The following GPC1 variants were observed in gnomAD, a reference collection of about 807,000 sequenced individuals.
The protein encoded by GPC1 is glypican 1.
Under a neutral mutation model 51.5 loss-of-function variants are expected in GPC1, and 26 were observed. The ratio of observed to expected loss-of-function variants is 0.50; its 90% CI spans 0.37 to 0.70. GPC1 has a LOEUF of 0.70. Among genes scored for constraint, GPC1 ranks in the 30% least tolerant of loss-of-function variants. The probability of loss-of-function intolerance (pLI) is 0.00; values close to 1 mark genes in which losing one functional copy is unlikely to be tolerated. For missense variants in GPC1, 775 were observed against 800.5 expected, an observed-to-expected ratio of 0.97 and a Z score of 0.38; for synonymous variants, 380 against 348.3, an observed-to-expected ratio of 1.09 and a Z score of -1.01.
At chr2:240,444,272 G>C (rs1417437017) in intron 1 of GPC1, among the ~76,000 whole-genome samples, 1 of 152,224 alleles carries the variant, frequency 6.6e-6, no homozygotes, top group African/African-American at 2.4e-5. Context: ...TGAGGGACAA[G>C]GGTGAGCTGG....
chr2:240,466,133 G>C lies in GPC1; in HGVS notation c.1520G>C (p.Ser507Thr), dbSNP rs2074259841. The C allele has an allele frequency of 6.2e-7, 1 of 1,612,940 alleles. No homozygotes were observed. Among genetic ancestry groups the C allele is most frequent in the Non-Finnish European group, 8.5e-7 (1 of 1,179,800 alleles). ...TGCAGCCGGAAGGTCAGCAGGAAGA[G>C]CTCCAGCTCCCGGACGCCCTTGACC... ...DLCSRKVSRK[S>T]SSSRTPLTHA... Residue 507 changes from serine (S) to threonine (T), a missense_variant, in exon 9 of 9, where the codon AGC becomes ACC. Transcript: ENST00000264039.
At chr2:240,440,273 G>A (rs571576333) in intron 1 of GPC1, among the ~76,000 whole-genome samples, 1 of 152,338 alleles carries the variant, frequency 6.6e-6, no homozygotes, top group South Asian at 2.1e-4. Flanking sequence ...CTTGTGGAGC[G>A]TTTCCCATGA....
chr2:240,453,979 C>A (rs2074131587), intron 1 of GPC1, among the ~76,000 whole-genome samples: 1 of 152,018 alleles, frequency 6.6e-6, no homozygotes, highest in Non-Finnish European at 1.5e-5. Context: ...CGACGCCCCT[C>A]GGTTTCGGGT....
At chr2:240,465,779 C>A in intron 8 of GPC1, 131 bp downstream of exon 8, 1 of 774,120 alleles carries the variant, frequency 1.3e-6, no homozygotes, top group Non-Finnish European at 2.1e-6. Context: ...AGTCTGAGGA[C>A]GCTGTGCTGC....
chr2:240,450,852 C>G (rs2074092730), intron 1 of GPC1: 1 of 453,780 alleles, frequency 2.2e-6, no homozygotes, highest in Admixed American at 2.5e-5. Context: ...AGTGGAGGCT[C>G]CCCTGGCAGA....
chr2:240,458,416 G>GT (rs987030450), intron 1 of GPC1: 50 of 223,902 alleles, frequency 2.2e-4, no homozygotes, highest in African/African-American at 8.9e-4. Context: ...GAGGCACAGG[G>GT]TGCACCCTGC....
chr2:240,461,996 C>T (rs2074219830), intron 2 of GPC1, among the ~76,000 whole-genome samples, 195 bp from the exon 3 acceptor site: 1 of 152,054 alleles, frequency 6.6e-6, no homozygotes, highest in Non-Finnish European at 1.5e-5. Context: ...CCCCTGCTCC[C>T]CAGGCCAGGG....
Position 240,453,960 on chromosome 2 carries a change from G to A in GPC1, c.167-5070G>A, listed in dbSNP as rs561258569. 1.1e-3 allele frequency among the ~76,000 whole-genome samples: 166 copies of A among 152,290 alleles called. 1 individual carries two copies. Among genetic ancestry groups the A allele is most frequent in the African/African-American group, 3.8e-3 (160 of 41,576 alleles). ...GCGGACCCTCCCACCCGGGGCAGAG[G>A]TGTCCCTACGACGCCCCTCGGTTTC... On this transcript the variant is annotated intron_variant, in intron 1 of 8. Coordinates refer to ENST00000264039, the MANE Select transcript of GPC1 (RefSeq NM_002081.3).
At position 240,443,917 on chromosome 2, in the gene GPC1, G is replaced by A. The variant is rs2074033376; in HGVS notation, c.166+7833G>A. ...TCAGAGCTGAGAGGCCTCGCCGCCTGGGGCCAAGCCCCACACTTGCTTGCC... is the reference window on the plus strand; with the variant it reads ...TCAGAGCTGAGAGGCCTCGCCGCCTAGGGCCAAGCCCCACACTTGCTTGCC... On this transcript the variant is annotated intron_variant, in intron 1 of 8. Coordinates refer to ENST00000264039, the MANE Select transcript of GPC1 (RefSeq NM_002081.3). Among the ~76,000 whole-genome samples the A allele has an allele frequency of 2.0e-5, 3 of 152,232 alleles. No individual in the cohort carries two copies. The South Asian group carries it at 6.2e-4, about 32-fold the overall frequency.
At chr2:240,460,463 G>A (rs548154468) in intron 2 of GPC1, among the ~76,000 whole-genome samples, 1 of 152,212 alleles carries the variant, frequency 6.6e-6, no homozygotes, top group African/African-American at 2.4e-5. Context: ...CCTGGCTCCC[G>A]CCCCAGCGTG....
At chr2:240,437,584 AG>A (rs2073992119) in intron 1 of GPC1, among the ~76,000 whole-genome samples, 1 of 152,104 alleles carries the variant, frequency 6.6e-6, no homozygotes, top group Non-Finnish European at 1.5e-5. Context: ...TGTCCCAGGT[AG>A]GGGGCACACC....
In GPC1 at chr2:240,448,473, G is replaced by A. The variant is rs183350373; in HGVS notation, c.167-10557G>A. Among the ~76,000 whole-genome samples, 27 of 135,764 alleles carry A rather than the reference G, an allele frequency of 2.0e-4. No homozygotes were observed. The highest frequency in any genetic ancestry group is 6.6e-4 in the African/African-American group (26 of 39,222). 89.1% of individuals were successfully genotyped at this position (135,764 alleles called of 152,430 possible). A position where few individuals can be genotyped will look rare whatever the true frequency, so the allele number is the denominator to read the frequency against. ...CAGGAAGTCTGGGTGTAGACGGGGTGGAGTCAGGACTCCAGGTGCCTGGGG... is the reference window on the plus strand; with the variant it reads ...CAGGAAGTCTGGGTGTAGACGGGGTAGAGTCAGGACTCCAGGTGCCTGGGG... On this transcript the variant is annotated intron_variant, in intron 1 of 8. Coordinates refer to ENST00000264039, the MANE Select transcript of GPC1 (RefSeq NM_002081.3). This position sits in a 1 kb window ranked among gnomAD's most constrained non-coding sequence, Gnocchi z 4.5.
chr2:240,459,729 C>T (rs1231734270), intron 2 of GPC1, among the ~76,000 whole-genome samples: 2 of 152,168 alleles, frequency 1.3e-5, no homozygotes, highest in Admixed American at 6.5e-5. Context: ...CCCCTGCAGG[C>T]CTTGAGGCCC....
chr2:240,464,031 CAT>C (rs1376843700), intron 4 of GPC1: 6 of 205,842 alleles, frequency 2.9e-5, no homozygotes, highest in Middle Eastern at 1.9e-3. Flanking sequence ...GATCCACTAA[CAT>C]GTACACATGC....
chr2:240,441,671 C>G (rs531025713), intron 1 of GPC1, among the ~76,000 whole-genome samples: 1 of 152,162 alleles, frequency 6.6e-6, no homozygotes, highest in Non-Finnish European at 1.5e-5. Flanking sequence ...CTGGGCTCCT[C>G]GCTGCCGTGC....
chr2:240,439,889 G>A (rs7570292), intron 1 of GPC1, among the ~76,000 whole-genome samples: 16,096 of 152,206 alleles, frequency 0.11, 1,236 homozygotes, highest in African/African-American at 0.21. Flanking sequence ...AGGACCGAGC[G>A]GAGCCCAGGG....
rs1019885945 is a variant in GPC1 at position 240,448,239 on chromosome 2, G to A, written c.167-10791G>A. ...CATAGGGGCCTCTCCCTTCCCCTAC[G>A]GGATGGGGCTGGTTCGTTCCCCCAG... On this transcript the variant is annotated intron_variant, in intron 1 of 8. Coordinates refer to ENST00000264039, the MANE Select transcript of GPC1 (RefSeq NM_002081.3). This position sits in a 1 kb window ranked among gnomAD's most constrained non-coding sequence, Gnocchi z 4.5. Among the ~76,000 whole-genome samples, 1 of 152,120 alleles carries A rather than the reference G, an allele frequency of 6.6e-6. No homozygotes were observed. Among genetic ancestry groups the A allele is most frequent in the Non-Finnish European group, 1.5e-5 (1 of 68,004 alleles).
chr2:240,451,155 T>C (rs2074096188), intron 1 of GPC1: 1 of 471,088 alleles, frequency 2.1e-6, no homozygotes, highest in African/African-American at 2.0e-5. Context: ...GAGCCATCCC[T>C]CTTGGCGGGC....
At position 240,463,441 on chromosome 2, in the gene GPC1, A is replaced by G; in HGVS notation, c.812A>G (p.Tyr271Cys). ...CCCGGCGCCAGGCCCTGCCCTGACTATTGCCGAAATGTGCTCAAGGGCTGC... is the reference window on the plus strand; with the variant it reads ...CCCGGCGCCAGGCCCTGCCCTGACTGTTGCCGAAATGTGCTCAAGGGCTGC... ...GVPGARPCPD[Y>C]CRNVLKGCLA... The change falls in exon 4 of 9, where the codon TAT becomes TGT. Residue 271 changes from tyrosine to cysteine, a missense_variant. By Grantham distance (194) the Tyr-to-Cys change is radical. Transcript: ENST00000264039. 2.5e-6 allele frequency: 4 copies of G among 1,612,910 alleles called. No individual in the cohort carries two copies. Among genetic ancestry groups the G allele is most frequent in the Admixed American group, 1.7e-5 (1 of 60,018 alleles).
Sources: allele counts gnomAD v4.1 joint callset (sites outside exome capture counted in the v4.1 genomes callset), GRCh38; gene constraint gnomAD v4.1.1; non-coding constraint Gnocchi (gnomAD v3.1); transcripts MANE v1.5; gene names NCBI Gene and HGNC (gene_info 2026-07-23, HGNC 2026-07-21).